SCFD2: variants seen among roughly 807,000 people sequenced by gnomAD.
SCFD2 encodes sec1 family domain-containing protein 2.
A neutral mutation model predicts 58.9 loss-of-function variants in SCFD2; 54 were observed. That is an observed-to-expected ratio of 0.92 (90% CI 0.74 to 1.15). The LOEUF (loss-of-function observed/expected upper bound fraction) is 1.15. Ranked by LOEUF, SCFD2 falls within the 50% of genes most tolerant of loss-of-function variation. The probability of loss-of-function intolerance (pLI) is 0.00; values close to 1 mark genes in which losing one functional copy is unlikely to be tolerated. For missense variants in SCFD2, 805 were observed against 836.6 expected (o/e 0.96, Z 0.47); for synonymous variants, 321 against 335.9 (o/e 0.96, Z 0.49).
intron 7 of SCFD2, among the ~76,000 whole-genome samples, chr4:52,893,687 T>C (rs1718934333): frequency 6.6e-6 from 1 of 152,212 alleles, no homozygotes; most frequent in South Asian, 2.1e-4. Flanking sequence ...CTAGAGGCCC[T>C]TCCCTGGGAA....
chr4:53,116,276 T>C (rs1577741322), intron 5 of SCFD2, among the ~76,000 whole-genome samples: 2 of 152,200 alleles, frequency 1.3e-5, no homozygotes, highest in East Asian at 3.8e-4. Flanking sequence ...CATTAAATGT[T>C]CATAGTGACA....
chr4:53,095,351 A>G (rs943468398), intron 5 of SCFD2, among the ~76,000 whole-genome samples: 1 of 152,152 alleles, frequency 6.6e-6, no homozygotes, highest in Non-Finnish European at 1.5e-5. Context: ...AATCTTTGAC[A>G]TCGTTCTTTT....
At chr4:53,222,160 C>T (rs1729065641) in intron 4 of SCFD2, among the ~76,000 whole-genome samples, 1 of 152,174 alleles carries the variant, frequency 6.6e-6, no homozygotes, top group South Asian at 2.1e-4. Flanking sequence ...CCACCCTCAC[C>T]TTTGTTTTTC....
chr4:53,050,888 T>C (rs913902647), intron 5 of SCFD2, among the ~76,000 whole-genome samples: 1 of 152,144 alleles, frequency 6.6e-6, no homozygotes, highest in Non-Finnish European at 1.5e-5. Context: ...ATCTTCTGTC[T>C]CCCCATTTCC....
intron 4 of SCFD2, among the ~76,000 whole-genome samples, chr4:53,155,945 A>C (rs970569275): frequency 2.0e-5 from 3 of 152,232 alleles, no homozygotes; most frequent in Admixed American, 2.0e-4. Context: ...ATAGTGTAAA[A>C]GTATGGTGGG....
At chr4:52,980,351 G>T (rs1196500336) in intron 5 of SCFD2, among the ~76,000 whole-genome samples, 1 of 152,114 alleles carries the variant, frequency 6.6e-6, no homozygotes, top group Non-Finnish European at 1.5e-5. Flanking sequence ...TGAGTAATTT[G>T]CCCAAGGTCA....
chr4:53,331,472 T>G (rs2149132664), intron 2 of SCFD2, among the ~76,000 whole-genome samples: 1 of 152,312 alleles, frequency 6.6e-6, no homozygotes, highest in East Asian at 1.9e-4. Flanking sequence ...ACATGGAAAC[T>G]GAATAACCTG....
intron 5 of SCFD2, among the ~76,000 whole-genome samples, chr4:53,047,648 T>A (rs1042677750): frequency 6.6e-6 from 1 of 152,206 alleles, no homozygotes; most frequent in Non-Finnish European, 1.5e-5. Flanking sequence ...GTCTTACGAT[T>A]TTAAAATTCA....
At chr4:53,296,549 T>A (rs1226934360) in intron 3 of SCFD2, among the ~76,000 whole-genome samples, 2 of 152,198 alleles carry the variant, frequency 1.3e-5, no homozygotes, top group Admixed American at 6.5e-5. Context: ...TTAGTCTGCC[T>A]AGCGGTCTAT....
chr4:53,095,650 AG>A (rs1379336793), intron 5 of SCFD2, among the ~76,000 whole-genome samples: 2 of 152,118 alleles, frequency 1.3e-5, no homozygotes, highest in Non-Finnish European at 2.9e-5. Flanking sequence ...CATTTCATTC[AG>A]GGTTAAAACC....
At chr4:53,316,667 T>C (rs913202890) in intron 2 of SCFD2, among the ~76,000 whole-genome samples, 2 of 152,182 alleles carry the variant, frequency 1.3e-5, no homozygotes, top group Non-Finnish European at 2.9e-5. Flanking sequence ...CATACAATCT[T>C]GATTAGTGCA....
intron 2 of SCFD2, among the ~76,000 whole-genome samples, chr4:53,330,667 C>T (rs949143455): frequency 3.9e-5 from 6 of 151,960 alleles, no homozygotes; most frequent in Non-Finnish European, 7.4e-5. Flanking sequence ...ACCATCGAGA[C>T]TAGGAAGAAA....
At chr4:53,329,061 A>G (rs1366382417) in intron 2 of SCFD2, among the ~76,000 whole-genome samples, 1 of 152,222 alleles carries the variant, frequency 6.6e-6, no homozygotes, top group Non-Finnish European at 1.5e-5. Context: ...GCACACCACG[A>G]GATTATATCC....
chr4:53,338,575 C>CTTTTTTTTTTTTTTTTTTTTTT lies in SCFD2; in HGVS notation c.1007+14022_1007+14023insAAAAAAAAAAAAAAAAAAAAAA, dbSNP rs56263068. On this transcript the variant is annotated intron_variant, in intron 2 of 8. Transcript: ENST00000401642. ...GGCCAAAAGAAAGCAGTATATTTTT[C>CTTTTTTTTTTTTTTTTTTTTTT]TTTTTTTTTTTTTTTTTTTTTGTGA... Among the ~76,000 whole-genome samples the CTTTTTTTTTTTTTTTTTTTTTT allele has an allele frequency of 1.0e-3, 72 of 72,314 alleles. 19 individuals carry two copies. The highest frequency in any genetic ancestry group is 1.6e-3 in the East Asian group (3 of 1,882). 47.4% of individuals were successfully genotyped at this position (72,314 alleles called of 152,430 possible).
chr4:52,937,042 T>C (rs1348918684), intron 5 of SCFD2, among the ~76,000 whole-genome samples: 2 of 152,216 alleles, frequency 1.3e-5, no homozygotes, highest in Non-Finnish European at 2.9e-5. Context: ...AATCATGTGA[T>C]ATTAGAGGTA....
intron 1 of SCFD2, among the ~76,000 whole-genome samples, chr4:53,353,676 C>T (rs1186542261): frequency 1.3e-5 from 2 of 152,116 alleles, no homozygotes; most frequent in Non-Finnish European, 2.9e-5. Flanking sequence ...GGTGCATTTA[C>T]AATCCTTTAG....
intron 5 of SCFD2, among the ~76,000 whole-genome samples, chr4:52,964,538 A>G (rs1197127877): frequency 3.9e-5 from 6 of 152,232 alleles, no homozygotes; most frequent in Non-Finnish European, 7.3e-5. Context: ...GGAACATTCT[A>G]GGAGTTGCAG....
chr4:53,020,599 G>C (rs1356341808), intron 5 of SCFD2, among the ~76,000 whole-genome samples: 1 of 152,122 alleles, frequency 6.6e-6, no homozygotes, highest in Non-Finnish European at 1.5e-5. Flanking sequence ...TATCCTGTGA[G>C]ATGCTTTCAG....
intron 5 of SCFD2, among the ~76,000 whole-genome samples, chr4:52,936,435 G>A (rs942606438): frequency 6.6e-6 from 1 of 152,298 alleles, no homozygotes; most frequent in South Asian, 2.1e-4. Flanking sequence ...CTCTGCCATT[G>A]AAATATGGGG....
Sources: allele counts gnomAD v4.1 joint callset (sites outside exome capture counted in the v4.1 genomes callset), GRCh38; gene constraint gnomAD v4.1.1; transcripts MANE v1.5; gene names NCBI Gene and HGNC (gene_info 2026-07-23, HGNC 2026-07-21).